The following AP1AR variants were observed in gnomAD, a reference collection of about 807,000 sequenced individuals.
The protein encoded by AP1AR is adaptor related protein complex 1 associated regulatory protein.
In AP1AR, 29 loss-of-function variants were observed where a neutral mutation model predicts 46.3. The ratio of observed to expected loss-of-function variants is 0.63; its 90% CI spans 0.47 to 0.85. The LOEUF is 0.85. Among genes scored for constraint, AP1AR ranks in the 40% least tolerant of loss-of-function variants. The probability of loss-of-function intolerance (pLI) is 0.00; values close to 1 mark genes in which losing one functional copy is unlikely to be tolerated. For synonymous variants in AP1AR, 122 were observed against 122.9 expected, an observed-to-expected ratio of 0.99 and a Z score of 0.05; for missense variants, 357 against 356.3, an observed-to-expected ratio of 1.00 and a Z score of -0.02.
chr4:112,265,506 C>T (rs1275038146), intron 7 of AP1AR, among the ~76,000 whole-genome samples: 1 of 151,916 alleles, frequency 6.6e-6, no homozygotes, highest in African/African-American at 2.4e-5. Context: ...GGACTTATGG[C>T]TAAGCTTTGG....
At chr4:112,247,769 G>A (rs886157007) in intron 1 of AP1AR, among the ~76,000 whole-genome samples, 3 of 152,170 alleles carry the variant, frequency 2.0e-5, no homozygotes, top group Admixed American at 2.0e-4. Flanking sequence ...TTCCAGTGAA[G>A]TTGTTACAGC....
Position 112,253,238 on chromosome 4 carries a change from T to C in AP1AR, c.114T>C (p.Gly38=). 1.2e-6 allele frequency: 2 copies of C among 1,611,398 alleles called. No homozygotes were observed. The highest frequency in any genetic ancestry group is 1.7e-6 in the Non-Finnish European group (2 of 1,179,076). ...GSKYFRTCSR[G]EHLTIEFENL... ...AGTATTTTAGAACATGCTCAAGAGGTGAGCACTTAACAATAGAGGTAAGTA... is the reference window on the plus strand; with the variant it reads ...AGTATTTTAGAACATGCTCAAGAGGCGAGCACTTAACAATAGAGGTAAGTA... The change falls in exon 2 of 10, where the codon GGT becomes GGC. Residue 38 remains glycine, a synonymous_variant. Coordinates refer to ENST00000274000, the MANE Select transcript of AP1AR (RefSeq NM_018569.6).
chr4:112,253,002 T>C (rs1478975840), intron 1 of AP1AR, among the ~76,000 whole-genome samples: 1 of 152,170 alleles, frequency 6.6e-6, no homozygotes, highest in East Asian at 1.9e-4. Flanking sequence ...AAAGAAATAT[T>C]GATTGACTAA....
chr4:112,234,106 G>C (rs964640268), intron 1 of AP1AR, among the ~76,000 whole-genome samples: 1 of 152,204 alleles, frequency 6.6e-6, no homozygotes, highest in Non-Finnish European at 1.5e-5. Context: ...TGATTCGCCA[G>C]CCTTGGCCTC....
chr4:112,256,948 A>G (rs1051669578), intron 3 of AP1AR, among the ~76,000 whole-genome samples: 6 of 152,222 alleles, frequency 3.9e-5, no homozygotes, highest in South Asian at 2.1e-4. Flanking sequence ...GCCTCATTCA[A>G]TGTGCGTTTC....
chr4:112,258,375 G>A (rs935152940), intron 4 of AP1AR, among the ~76,000 whole-genome samples: 1 of 152,102 alleles, frequency 6.6e-6, no homozygotes, highest in Non-Finnish European at 1.5e-5. Context: ...GCCAAGCACC[G>A]TGCTAGACAC....
At chr4:112,259,963 A>G (rs527644355) in intron 4 of AP1AR, among the ~76,000 whole-genome samples, 1 of 152,288 alleles carries the variant, frequency 6.6e-6, no homozygotes, top group Non-Finnish European at 1.5e-5. Flanking sequence ...TAAGATAAAA[A>G]AAAGTATGAA....
chr4:112,266,800 A>G lies in AP1AR; in HGVS notation c.643+84A>G, dbSNP rs535725400. ...TAAATCTACCTTGGTCTTTATTTAA[A>G]TGGAAATAAATTCAAGGCCTTGAAA... On this transcript the variant is annotated intron_variant, in intron 9 of 9. Coordinates refer to ENST00000274000, the MANE Select transcript of AP1AR (RefSeq NM_018569.6). 1.1e-5 allele frequency: 14 copies of G among 1,311,138 alleles called. No homozygotes were observed. In the African/African-American group the frequency reaches 1.8e-4, roughly 17 times the overall value. The allele number at this position is 1,311,138 out of a possible 1,614,324, so 81.2% of individuals were successfully genotyped here.
At chr4:112,241,082 CTG>C (rs748998341) in intron 1 of AP1AR, among the ~76,000 whole-genome samples, 13 of 152,164 alleles carry the variant, frequency 8.5e-5, no homozygotes, top group Non-Finnish European at 1.3e-4. Context: ...AAGGCAATAA[CTG>C]TTTTTTAAAC....
intron 1 of AP1AR, among the ~76,000 whole-genome samples, chr4:112,236,902 CA>C (rs1184615763): frequency 6.6e-6 from 1 of 152,108 alleles, no homozygotes; most frequent in Non-Finnish European, 1.5e-5. Context: ...ATTCTAATTT[CA>C]AAAAACGTGT....
Position 112,268,388 on chromosome 4 carries a change from C to T in AP1AR, c.888C>T (p.Asp296=). 6.2e-7 allele frequency: 1 copy of T among 1,603,432 alleles called. No individual in the cohort carries two copies. Among genetic ancestry groups the T allele is most frequent in the Non-Finnish European group, 8.5e-7 (1 of 1,174,264 alleles). The change falls in exon 10 of 10, where the codon GAC becomes GAT. Residue 296 remains aspartate, a synonymous_variant. Transcript: ENST00000274000. ...ELSDSGIRHS[D]TDQQTR ...CTGATTCTGGCATAAGGCATTCTGACACAGATCAACAGACTCGATAGGGTA... is the reference window on the plus strand; with the variant it reads ...CTGATTCTGGCATAAGGCATTCTGATACAGATCAACAGACTCGATAGGGTA...
At position 112,271,312 on chromosome 4, in the gene AP1AR, C is replaced by T. The variant is rs769588582; in HGVS notation, c.*2903C>T. ...AAAAGGCTGCCGTGAGGCAATTTCT[C>T]ATCCAGCTGGTTTCCAGTGACCTCA... On this transcript the variant is annotated 3_prime_UTR_variant, in exon 10 of 10. Coordinates refer to ENST00000274000, the MANE Select transcript of AP1AR (RefSeq NM_018569.6). Among the ~76,000 whole-genome samples, 1 of 152,230 alleles carries T rather than the reference C, an allele frequency of 6.6e-6. No individual in the cohort carries two copies. Among genetic ancestry groups the T allele is most frequent in the Non-Finnish European group, 1.5e-5 (1 of 68,028 alleles).
intron 1 of AP1AR, among the ~76,000 whole-genome samples, chr4:112,251,774 G>C (rs756692314): frequency 6.6e-6 from 1 of 152,202 alleles, no homozygotes. Flanking sequence ...TTGCATTTAT[G>C]TTGGATATAG....
At chr4:112,265,678 T>A in intron 7 of AP1AR, 56 bp from the exon 8 acceptor site, 1 of 1,294,648 alleles carries the variant, frequency 7.7e-7, no homozygotes, top group Admixed American at 1.9e-5. Context: ...GCTTATATAT[T>A]TGTCATATTG....
intron 4 of AP1AR, among the ~76,000 whole-genome samples, chr4:112,258,309 A>G (rs1308800385): frequency 6.6e-6 from 1 of 152,212 alleles, no homozygotes; most frequent in African/African-American, 2.4e-5. Flanking sequence ...TATATTATGA[A>G]CAAATAATCC....
chr4:112,257,803 G>A lies in AP1AR; in HGVS notation c.185+6G>A. 1 of 1,546,384 alleles carries A rather than the reference G, an allele frequency of 6.5e-7. No homozygotes were observed. The highest frequency in any genetic ancestry group is 1.4e-5 in the African/African-American group (1 of 70,770). On this transcript the variant is annotated splice_donor_region_variant and intron_variant, in intron 4 of 9. Coordinates refer to ENST00000274000, the MANE Select transcript of AP1AR (RefSeq NM_018569.6). ...AGCCCAGGAAGCAGTCATAGGTAAG[G>A]CTTTGTTAAAAAAAAAAAACAAAAC...
chr4:112,257,736 G>T (rs768235858), intron 3 of AP1AR, 36 bp from the exon 4 acceptor site: 1 of 1,294,274 alleles, frequency 7.7e-7, no homozygotes, highest in East Asian at 2.8e-5. Flanking sequence ...TTTAGCTAAT[G>T]AATTTGTTTT....
chr4:112,238,650 T>G (rs565138432), intron 1 of AP1AR, among the ~76,000 whole-genome samples: 2 of 152,308 alleles, frequency 1.3e-5, no homozygotes, highest in African/African-American at 4.8e-5. Context: ...CCTTAAAGAC[T>G]CCTAAGACTC....
At chr4:112,259,764 T>C (rs1383653686) in intron 4 of AP1AR, among the ~76,000 whole-genome samples, 1 of 152,116 alleles carries the variant, frequency 6.6e-6, no homozygotes, top group East Asian at 1.9e-4. Flanking sequence ...GCAGGAGAGA[T>C]GGGCTCAATG....
Sources: allele counts gnomAD v4.1 joint callset (sites outside exome capture counted in the v4.1 genomes callset), GRCh38; gene constraint gnomAD v4.1.1; transcripts MANE v1.5; gene names NCBI Gene and HGNC (gene_info 2026-07-23, HGNC 2026-07-21).